The following CTNS variants were observed in gnomAD, a reference collection of about 807,000 sequenced individuals.
CTNS encodes cystinosin.
A neutral mutation model predicts 43.7 loss-of-function variants in CTNS; 27 were observed. That is an observed-to-expected ratio of 0.62 (90% confidence interval 0.46 to 0.85). The LOEUF (loss-of-function observed/expected upper bound fraction) is 0.85. CTNS is among the 40% of genes least tolerant of loss of function. The pLI is 0.00. For synonymous variants in CTNS, 187 were observed against 190.6 expected, an observed-to-expected ratio of 0.98 and a Z score of 0.16; for missense variants, 457 against 475.4, an observed-to-expected ratio of 0.96 and a Z score of 0.36.
chr17:3,641,373 TATATATA>T (rs1465654722), intron 3 of CTNS, among the ~76,000 whole-genome samples: 12 of 47,698 alleles, frequency 2.5e-4, no homozygotes, highest in African/African-American at 3.6e-4. Flanking sequence ...TATATATATA[TATATATA>T]TATATTTTTT....
intron 4 of CTNS, 155 bp downstream of exon 4, chr17:3,647,677 G>A (rs558224864): frequency 1.4e-5 from 10 of 730,356 alleles, no homozygotes; most frequent in East Asian, 2.7e-5. Context: ...TGCTAGCCCC[G>A]GGCTGCAGGA....
intron 5 of CTNS, chr17:3,650,034 C>CA (rs949775818): frequency 9.2e-5 from 123 of 1,335,122 alleles, no homozygotes; most frequent in Middle Eastern, 2.7e-4. Flanking sequence ...GTAACAACAA[C>CA]AAAAAAAAGA....
chr17:3,660,829 C>G lies in CTNS; in HGVS notation c.*460C>G, dbSNP rs1180130147. ...GCCGTGGCCAGTGAACTCAGAGGTG[C>G]TGGTGGACGGGCTAGGACTTTGGGG... On this transcript the variant is annotated 3_prime_UTR_variant, in exon 12 of 12. Coordinates refer to ENST00000046640, the MANE Select transcript of CTNS (RefSeq NM_004937.3). The G allele has an allele frequency of 1.9e-6, 3 of 1,572,864 alleles. No individual in the cohort carries two copies. Among genetic ancestry groups the G allele is most frequent in the Non-Finnish European group, 2.6e-6 (3 of 1,157,450 alleles).
chr17:3,641,385 T>TATATATATATA (rs57286057), intron 3 of CTNS, among the ~76,000 whole-genome samples: 14 of 42,032 alleles, frequency 3.3e-4, no homozygotes, highest in African/African-American at 1.0e-3. Flanking sequence ...TATATATATA[T>TATATATATATA]TTTTTTTTTT....
chr17:3,651,581 C>T (rs1288706473), intron 5 of CTNS, among the ~76,000 whole-genome samples: 1 of 152,150 alleles, frequency 6.6e-6, no homozygotes, highest in East Asian at 1.9e-4. Flanking sequence ...ATTTCTTCAT[C>T]TGGGAGCTGG....
intron 9 of CTNS, among the ~76,000 whole-genome samples, chr17:3,657,148 C>G (rs2076169303): frequency 6.6e-6 from 1 of 151,878 alleles, no homozygotes. Flanking sequence ...GAGGAAGACG[C>G]TTGGTTGGGC....
intron 2 of CTNS, among the ~76,000 whole-genome samples, chr17:3,639,688 A>C (rs1447016834): frequency 6.7e-6 from 1 of 148,250 alleles, no homozygotes; most frequent in Non-Finnish European, 1.5e-5. Flanking sequence ...AAATTTAAAT[A>C]TGTATATTAA....
chr17:3,642,903 G>A (rs1267309661), intron 3 of CTNS, among the ~76,000 whole-genome samples: 1 of 152,158 alleles, frequency 6.6e-6, no homozygotes, highest in Non-Finnish European at 1.5e-5. Context: ...GCAAGAACCT[G>A]GGCTTTGGAC....
In CTNS at chr17:3,640,206, C is replaced by T. The variant is rs2075650862; in HGVS notation, c.-1C>T. 1.2e-6 allele frequency: 2 copies of T among 1,613,682 alleles called. No individual in the cohort carries two copies. Among genetic ancestry groups the T allele is most frequent in the Non-Finnish European group, 1.7e-6 (2 of 1,179,678 alleles). Reference sequence around the variant, plus strand: ...TTCCTAGTTCTGAGAAATCGAGAAACATGATAAGGAATTGGCTGACTATTT... The same window carrying T: ...TTCCTAGTTCTGAGAAATCGAGAAATATGATAAGGAATTGGCTGACTATTT... On this transcript the variant is annotated 5_prime_UTR_variant, in exon 3 of 12. Transcript: ENST00000046640.
rs778814161 is a variant in CTNS at position 3,660,218 on chromosome 17, T to TC, written c.971-13dup. The TC allele has an allele frequency of 2.5e-6, 4 of 1,613,980 alleles. No homozygotes were observed. In the South Asian group the frequency reaches 4.4e-5, roughly 18 times the overall value. On this transcript the variant is annotated splice_polypyrimidine_tract_variant and intron_variant, in intron 11 of 11. Transcript: ENST00000046640. Reference sequence around the variant, plus strand: ...GCTGCCAACCTAACACCAGCTTCTGTCCCCCGGCTGCTAACAGACCAGTGG... The same window carrying TC: ...GCTGCCAACCTAACACCAGCTTCTGTCCCCCCGGCTGCTAACAGACCAGTGG...
intron 9 of CTNS, chr17:3,657,663 C>T: frequency 2.5e-6 from 1 of 392,856 alleles, no homozygotes; most frequent in Non-Finnish European, 4.8e-6. Flanking sequence ...AGAGTTCCGA[C>T]CCCACGTCTC....
Position 3,658,029 on chromosome 17 carries a change from C to T in CTNS, c.706C>T (p.Pro236Ser). Residue 236 changes from proline to serine, a missense_variant, in exon 10 of 12, where the codon CCT (proline) becomes TCT (serine). Coordinates refer to ENST00000046640, the MANE Select transcript of CTNS (RefSeq NM_004937.3). ...GCGCGGTGGCCAGCGCGTGTCCTGG[C>T]CTGCCATCGGCTTCCTGGTGCTCGC... ...YERGGQRVSW[P>S]AIGFLVLAWL... is the part of the protein sequence containing the mutation. 1.2e-6 allele frequency: 2 copies of T among 1,611,172 alleles called. No homozygotes were observed. The highest frequency in any genetic ancestry group is 1.7e-6 in the Non-Finnish European group (2 of 1,179,960).
intron 4 of CTNS, 171 bp downstream of exon 4, chr17:3,647,693 T>C: frequency 1.5e-6 from 1 of 677,084 alleles, no homozygotes; most frequent in Admixed American, 2.1e-5. Flanking sequence ...CAGGATGGGA[T>C]CGCAAAGGCT....
intron 3 of CTNS, among the ~76,000 whole-genome samples, chr17:3,643,262 C>G (rs1189174709): frequency 6.6e-6 from 1 of 151,544 alleles, no homozygotes; most frequent in South Asian, 2.1e-4. Flanking sequence ...TGCAGTGAGT[C>G]GAGATCGTGC....
intron 2 of CTNS, among the ~76,000 whole-genome samples, chr17:3,638,160 C>T (rs1279366250): frequency 6.6e-6 from 1 of 151,904 alleles, no homozygotes; most frequent in Non-Finnish European, 1.5e-5. Flanking sequence ...AGCCCATTGT[C>T]AGGAGATACT....
chr17:3,656,470 C>T lies in CTNS; in HGVS notation c.462-17C>T, dbSNP rs760741120. On this transcript the variant is annotated splice_polypyrimidine_tract_variant and intron_variant, in intron 7 of 11. Coordinates refer to ENST00000046640, the MANE Select transcript of CTNS (RefSeq NM_004937.3). ...GTCTTCACCCCCTGCCCTGTCTTGTCCCTCCACCCCCTGCAGTGTCATTGG... is the reference window on the plus strand; with the variant it reads ...GTCTTCACCCCCTGCCCTGTCTTGTTCCTCCACCCCCTGCAGTGTCATTGG... 7.3e-5 allele frequency: 114 copies of T among 1,557,894 alleles called. No individual in the cohort carries two copies. Among genetic ancestry groups the T allele is most frequent in the Middle Eastern group, 1.7e-4 (1 of 5,992 alleles).
intron 9 of CTNS, 35 bp downstream of exon 9, chr17:3,656,830 A>G: frequency 6.2e-7 from 1 of 1,611,478 alleles, no homozygotes. Context: ...AGGCCACCCC[A>G]GCCAACACCC....
At chr17:3,649,357 C>A (rs2075919703) in intron 5 of CTNS, among the ~76,000 whole-genome samples, 1 of 150,692 alleles carries the variant, frequency 6.6e-6, no homozygotes, top group East Asian at 1.9e-4. Context: ...GAGGCTGAGG[C>A]AGGAGGATCA....
At chr17:3,638,184 G>A (rs1281793559) in intron 2 of CTNS, among the ~76,000 whole-genome samples, 2 of 151,650 alleles carry the variant, frequency 1.3e-5, no homozygotes, top group African/African-American at 4.8e-5. Context: ...TTTCTATCTT[G>A]TAGCTTTCAC....
Sources: allele counts gnomAD v4.1 joint callset (sites outside exome capture counted in the v4.1 genomes callset), GRCh38; gene constraint gnomAD v4.1.1; transcripts MANE v1.5; gene names NCBI Gene and HGNC (gene_info 2026-07-23, HGNC 2026-07-21).